DNER: variants seen among roughly 807,000 people sequenced by gnomAD.
The protein encoded by DNER is delta and Notch-like epidermal growth factor-related receptor.
In DNER, 33 loss-of-function variants were observed where a neutral mutation model predicts 78.2. That is an observed-to-expected ratio of 0.42 (90% CI 0.32 to 0.56). DNER has a LOEUF of 0.56. Ranked by LOEUF, DNER falls within the 20% of genes least tolerant of loss-of-function variation. The pLI is 0.11. For missense variants in DNER, 918 were observed against 975.3 expected (o/e 0.94, Z 0.78); for synonymous variants, 417 against 384.8 (o/e 1.08, Z -0.98).
intron 10 of DNER, among the ~76,000 whole-genome samples, chr2:229,388,886 T>C (rs1476028779): frequency 1.3e-5 from 2 of 152,050 alleles, no homozygotes; most frequent in African/African-American, 4.8e-5. Flanking sequence ...GATTATTCTG[T>C]AGCCAAGTAT....
intron 1 of DNER, among the ~76,000 whole-genome samples, chr2:229,617,954 C>G (rs76756477): frequency 0.022 from 3,349 of 152,242 alleles, 50 homozygotes; most frequent in Middle Eastern, 0.034. Flanking sequence ...ACTGAGTGAA[C>G]ACTGTCTCAA....
intron 8 of DNER, among the ~76,000 whole-genome samples, chr2:229,427,997 C>T (rs149669570): frequency 0.066 from 9,892 of 150,708 alleles, 393 homozygotes; most frequent in South Asian, 0.14. Context: ...ATTGCTTGAA[C>T]CCGGGAGGCA....
At chr2:229,382,774 G>C (rs1692773297) in intron 11 of DNER, among the ~76,000 whole-genome samples, 1 of 152,132 alleles carries the variant, frequency 6.6e-6, no homozygotes, top group East Asian at 1.9e-4. Flanking sequence ...TATGTGAAAA[G>C]ACCAAACCTG....
chr2:229,702,410 C>A (rs1699760944), intron 1 of DNER, among the ~76,000 whole-genome samples: 2 of 151,914 alleles, frequency 1.3e-5, no homozygotes, highest in African/African-American at 2.4e-5. Context: ...GTGGTGCATG[C>A]CTATAGTCCC....
intron 6 of DNER, among the ~76,000 whole-genome samples, chr2:229,492,900 G>C (rs1695430891): frequency 6.6e-6 from 1 of 152,092 alleles, no homozygotes; most frequent in Non-Finnish European, 1.5e-5. Flanking sequence ...CAAACTCATG[G>C]CCTCAAGTTA....
intron 1 of DNER, among the ~76,000 whole-genome samples, chr2:229,627,883 G>A (rs1698372387): frequency 6.6e-6 from 1 of 152,132 alleles, no homozygotes; most frequent in Non-Finnish European, 1.5e-5. Flanking sequence ...GTGGTGAGAG[G>A]CAGCAGGCGG....
intron 1 of DNER, among the ~76,000 whole-genome samples, chr2:229,708,483 C>G (rs1370088271): frequency 6.6e-6 from 1 of 152,174 alleles, no homozygotes; most frequent in African/African-American, 2.4e-5. Context: ...GTCTGCAAAC[C>G]TTTGCCACAT....
intron 7 of DNER, among the ~76,000 whole-genome samples, chr2:229,473,148 G>GA (rs1431043800): frequency 1.3e-5 from 2 of 152,186 alleles, no homozygotes; most frequent in Admixed American, 1.3e-4. Flanking sequence ...TATCTAGAGG[G>GA]AAAACCCCAT....
intron 8 of DNER, among the ~76,000 whole-genome samples, chr2:229,428,270 G>T (rs1693927484): frequency 6.6e-6 from 1 of 152,100 alleles, no homozygotes; most frequent in Non-Finnish European, 1.5e-5. Context: ...TGAAGAGGCT[G>T]CTGCAATCGT....
intron 8 of DNER, among the ~76,000 whole-genome samples, chr2:229,442,256 C>T (rs1385421828): frequency 6.6e-6 from 1 of 152,178 alleles, no homozygotes; most frequent in Admixed American, 6.5e-5. Context: ...GTGCTCACGC[C>T]TGTAATCCCA....
At chr2:229,605,474 G>T (rs1261857625) in intron 1 of DNER, among the ~76,000 whole-genome samples, 1 of 152,120 alleles carries the variant, frequency 6.6e-6, no homozygotes, top group African/African-American at 2.4e-5. Context: ...CAAATATTTA[G>T]CATTTCCAAT....
chr2:229,392,357 G>A (rs1010486510), intron 10 of DNER, among the ~76,000 whole-genome samples: 1 of 151,802 alleles, frequency 6.6e-6, no homozygotes. Flanking sequence ...TAAAACAGCT[G>A]AGCACCACAA....
At chr2:229,472,481 T>C (rs1050445202) in intron 7 of DNER, among the ~76,000 whole-genome samples, 2 of 152,196 alleles carry the variant, frequency 1.3e-5, no homozygotes, top group South Asian at 2.1e-4. Flanking sequence ...GGAATTAAGA[T>C]ACTGATAATG....
intron 1 of DNER, among the ~76,000 whole-genome samples, chr2:229,652,586 C>A (rs1698839132): frequency 6.6e-6 from 1 of 152,150 alleles, no homozygotes; most frequent in Non-Finnish European, 1.5e-5. Flanking sequence ...GAAAGAGATA[C>A]CACAAAGGGA....
chr2:229,397,474 A>AAAAAAG (rs900805435), intron 10 of DNER, among the ~76,000 whole-genome samples: 1 of 149,680 alleles, frequency 6.7e-6, no homozygotes, highest in African/African-American at 2.5e-5. Context: ...AAAAAAAAAA[A>AAAAAAG]AAAAACTGCA....
rs2106366131 is a variant in DNER at position 229,456,610 on chromosome 2, A to G, written c.1262-9070T>C. 1.3e-5 allele frequency among the ~76,000 whole-genome samples: 2 copies of G among 152,158 alleles called. 1 individual carries two copies. Among genetic ancestry groups the G allele is most frequent in the South Asian group, 4.1e-4 (2 of 4,828 alleles). ...ACAGGGACCAGCCTCTTCTGCAGCT[A>G]CATGTACATCTGTGATGACCTTCTG... On this transcript the variant is annotated intron_variant, in intron 7 of 12. Transcript: ENST00000341772.
In DNER at chr2:229,714,347, G is replaced by A; in HGVS notation, c.77C>T (p.Ala26Val). Residue 26 changes from alanine to valine, a missense_variant, in exon 1 of 13, where the codon GCG becomes GTG. Transcript: ENST00000341772. Reference sequence around the variant, plus strand: ...GGCCAGGGAGCTGCCTCGGGGCCCCGCTCCGAGCAGCAGCAGCAGCAGGGC... The same window carrying A: ...GGCCAGGGAGCTGCCTCGGGGCCCCACTCCGAGCAGCAGCAGCAGCAGGGC... The part of the protein sequence containing the change: ...ALALLLLLLG[A>V]GPRGSSLANP... 2 of 1,244,018 alleles carry A rather than the reference G, an allele frequency of 1.6e-6. No individual in the cohort carries two copies. The highest frequency in any genetic ancestry group is 2.0e-6 in the Non-Finnish European group (2 of 998,714). The allele number at this position is 1,244,018 out of a possible 1,614,324, so 77.1% of individuals were successfully genotyped here. A position where few individuals can be genotyped will look rare whatever the true frequency, so the allele number is the denominator to read the frequency against.
At position 229,477,264 on chromosome 2, in the gene DNER, CAAAATGTA is replaced by C; in HGVS notation, c.1148-19_1148-12del. ...GCTCTCCAGTATAACCTGAATAAAACAAAATGTACATTTTATAAAATAAGCTCTTCCAG... is the reference window on the plus strand; with the variant it reads ...GCTCTCCAGTATAACCTGAATAAAACCATTTTATAAAATAAGCTCTTCCAG... On this transcript the variant is annotated splice_polypyrimidine_tract_variant and intron_variant, in intron 6 of 12. Coordinates refer to ENST00000341772, the MANE Select transcript of DNER (RefSeq NM_139072.4). The C allele has an allele frequency of 8.6e-7, 1 of 1,164,214 alleles. No homozygotes were observed. The highest frequency in any genetic ancestry group is 1.2e-6 in the Non-Finnish European group (1 of 840,990). 72.1% of individuals were successfully genotyped at this position (1,164,214 alleles called of 1,614,324 possible). A position where few individuals can be genotyped will look rare whatever the true frequency, so the allele number is the denominator to read the frequency against.
chr2:229,614,074 GC>G (rs1559183079), intron 1 of DNER, among the ~76,000 whole-genome samples: 1 of 146,982 alleles, frequency 6.8e-6, no homozygotes, highest in Non-Finnish European at 1.5e-5. Context: ...TATACCTAAT[GC>G]TAAATGACGA....
Sources: gnomAD v4.1 joint callset for allele counts (sites outside exome capture counted in the v4.1 genomes callset) on GRCh38, gnomAD v4.1.1 for gene constraint, MANE v1.5 for transcripts, NCBI Gene and HGNC (gene_info 2026-07-23, HGNC 2026-07-21) for gene names.